LNX1: variants seen among roughly 807,000 people sequenced by gnomAD.
The protein encoded by LNX1 is ligand of numb-protein X 1.
In LNX1, 54 loss-of-function variants were observed where a neutral mutation model predicts 68.4. That is an observed-to-expected ratio of 0.79 (90% CI 0.63 to 0.99). LNX1 has a LOEUF of 0.99. Among genes scored for constraint, LNX1 ranks in the 50% least tolerant of loss-of-function variants. The pLI is 0.00. For missense variants in LNX1, 906 were observed against 926.4 expected, an observed-to-expected ratio of 0.98 and a Z score of 0.29; for synonymous variants, 336 against 350.0, an observed-to-expected ratio of 0.96 and a Z score of 0.45.
rs1384415237 is a variant in LNX1 at position 53,544,843 on chromosome 4, A to T, written c.380+28780T>A. Among the ~76,000 whole-genome samples, 5 of 152,222 alleles carry T rather than the reference A, an allele frequency of 3.3e-5. No homozygotes were observed. The East Asian group carries it at 5.8e-4, about 18-fold the overall frequency. ...TCCATGAGGTTGATGCAATGACATCATAACAGAGAAGTTAAGGCAATTGCC... is the reference window on the plus strand; with the variant it reads ...TCCATGAGGTTGATGCAATGACATCTTAACAGAGAAGTTAAGGCAATTGCC... On this transcript the variant is annotated intron_variant, in intron 2 of 10. Coordinates refer to ENST00000263925, the MANE Select transcript of LNX1 (RefSeq NM_001126328.3).
At chr4:53,599,173 T>A (rs1421134279) in intron 2 of LNX1, among the ~76,000 whole-genome samples, 1 of 152,194 alleles carries the variant, frequency 6.6e-6, no homozygotes, top group African/African-American at 2.4e-5. Flanking sequence ...CCTATTGGGC[T>A]GCATTCCCAG....
chr4:53,472,561 C>G (rs1350865988), intron 9 of LNX1, among the ~76,000 whole-genome samples: 1 of 150,872 alleles, frequency 6.6e-6, no homozygotes. Flanking sequence ...TGAAATCTTA[C>G]AACATGCCTG....
At chr4:53,493,786 A>G (rs1252636087) in intron 6 of LNX1, among the ~76,000 whole-genome samples, 2 of 152,218 alleles carry the variant, frequency 1.3e-5, no homozygotes, top group East Asian at 3.8e-4. Context: ...GTTGACATAG[A>G]CTTGCTGGAT....
At chr4:53,632,883 GT>G (rs1734328645) in intron 1 of LNX1, among the ~76,000 whole-genome samples, 1 of 152,116 alleles carries the variant, frequency 6.6e-6, no homozygotes, top group Non-Finnish European at 1.5e-5. Context: ...TCTTTAGTAG[GT>G]TTCTTTCTTA....
intron 9 of LNX1, among the ~76,000 whole-genome samples, chr4:53,464,078 C>T (rs553834287): frequency 1.3e-5 from 2 of 152,132 alleles, no homozygotes; most frequent in African/African-American, 2.4e-5. Context: ...GTTGGAAAGA[C>T]GACAGTGGAT....
intron 6 of LNX1, among the ~76,000 whole-genome samples, chr4:53,489,837 G>A (rs1724560049): frequency 6.6e-6 from 1 of 151,920 alleles, no homozygotes; most frequent in African/African-American, 2.4e-5. Flanking sequence ...CACAAACCAT[G>A]GTAAGACAAT....
chr4:53,533,646 C>T (rs890363422), intron 2 of LNX1, among the ~76,000 whole-genome samples: 10 of 152,268 alleles, frequency 6.6e-5, no homozygotes, highest in East Asian at 3.9e-4. Context: ...GTGATCCGCC[C>T]GCCTCGGCCT....
At position 53,461,051 on chromosome 4, in the gene LNX1, A is replaced by C. The variant is rs547518859; in HGVS notation, c.2052-9T>G. The C allele has an allele frequency of 5.8e-6, 9 of 1,552,112 alleles. No individual in the cohort carries two copies. The highest frequency in any genetic ancestry group is 4.2e-5 in the African/African-American group (3 of 71,172). On this transcript the variant is annotated splice_polypyrimidine_tract_variant and intron_variant, in intron 10 of 10. Transcript: ENST00000263925. ...GAAGAATATCACCACATCTAAAAAA[A>C]AAAACAAAACAAGATATGATTAGTA... is the stretch of plus-strand genomic sequence containing the variant.
intron 1 of LNX1, among the ~76,000 whole-genome samples, chr4:53,628,411 G>A (rs1446104147): frequency 6.6e-6 from 1 of 152,070 alleles, no homozygotes; most frequent in Non-Finnish European, 1.5e-5. Context: ...CTAATCATCA[G>A]AGAAATGCAA....
intron 9 of LNX1, among the ~76,000 whole-genome samples, chr4:53,473,274 C>G (rs1723356399): frequency 6.6e-6 from 1 of 152,108 alleles, no homozygotes; most frequent in South Asian, 2.1e-4. Context: ...AAAAACACCA[C>G]AGCAATGAAA....
intron 2 of LNX1, among the ~76,000 whole-genome samples, chr4:53,573,066 A>G (rs974585760): frequency 3.3e-5 from 5 of 152,222 alleles, no homozygotes; most frequent in Non-Finnish European, 7.3e-5. Flanking sequence ...TAAGCCTCAG[A>G]GAAATCTGCT....
At chr4:53,505,159 T>C (rs1451398930) in intron 4 of LNX1, among the ~76,000 whole-genome samples, 2 of 152,244 alleles carry the variant, frequency 1.3e-5, no homozygotes, top group African/African-American at 4.8e-5. Context: ...CTACATTTTA[T>C]ATTCTTTATA....
intron 2 of LNX1, among the ~76,000 whole-genome samples, chr4:53,545,441 T>C (rs1376864151): frequency 6.6e-6 from 1 of 152,218 alleles, no homozygotes; most frequent in Non-Finnish European, 1.5e-5. Flanking sequence ...GATGCAGTCC[T>C]GGAATCAGGA....
intron 6 of LNX1, among the ~76,000 whole-genome samples, chr4:53,483,561 C>T (rs1163234510): frequency 1.3e-5 from 2 of 152,132 alleles, no homozygotes; most frequent in African/African-American, 4.8e-5. Flanking sequence ...GCCAGCTGAC[C>T]TCATTTATCA....
At chr4:53,621,931 G>A (rs1262585924), upstream of LNX1, among the ~76,000 whole-genome samples, 1 of 148,426 alleles carries the variant, frequency 6.7e-6, no homozygotes, top group Admixed American at 6.6e-5. Flanking sequence ...AATCCTGTAG[G>A]TCTCCCCCAC....
At chr4:53,644,658 T>C (rs954541262) in intron 1 of LNX1, among the ~76,000 whole-genome samples, 2 of 152,178 alleles carry the variant, frequency 1.3e-5, no homozygotes, top group African/African-American at 4.8e-5. Flanking sequence ...GGGAGCGGGA[T>C]TCCATGTCAG....
At chr4:53,505,052 C>T (rs1725778446) in intron 4 of LNX1, among the ~76,000 whole-genome samples, 1 of 152,126 alleles carries the variant, frequency 6.6e-6, no homozygotes, top group Non-Finnish European at 1.5e-5. Context: ...TTGTTGGCTA[C>T]AGGGTGACCA....
intron 2 of LNX1, among the ~76,000 whole-genome samples, chr4:53,515,079 G>T (rs1579449018): frequency 6.6e-6 from 1 of 152,174 alleles, no homozygotes; most frequent in East Asian, 1.9e-4. Context: ...GGAATTAACT[G>T]GTTGGGGGAG....
intron 2 of LNX1, among the ~76,000 whole-genome samples, chr4:53,530,998 C>T (rs1392940932): frequency 6.6e-6 from 1 of 152,144 alleles, no homozygotes. Context: ...AACCCCGACT[C>T]CACAAAAAAT....
Sources: gnomAD v4.1 joint callset for allele counts (sites outside exome capture counted in the v4.1 genomes callset) on GRCh38, gnomAD v4.1.1 for gene constraint, MANE v1.5 for transcripts, NCBI Gene and HGNC (gene_info 2026-07-23, HGNC 2026-07-21) for gene names.